COQ3: variants seen among roughly 807,000 people sequenced by gnomAD.
The protein encoded by COQ3 is ubiquinone biosynthesis O-methyltransferase, mitochondrial.
Under a neutral mutation model 33.1 loss-of-function variants are expected in COQ3, and 29 were observed. The observed-to-expected ratio is 0.88, with a 90% CI of 0.65 to 1.19. The LOEUF is 1.19. Among genes scored for constraint, COQ3 ranks in the 50% most tolerant of loss-of-function variants. The probability of loss-of-function intolerance (pLI) is 0.00; values close to 1 mark genes in which losing one functional copy is unlikely to be tolerated. For synonymous variants in COQ3, 173 were observed against 157.8 expected (o/e 1.10, Z -0.72); for missense variants, 437 against 430.7 (o/e 1.01, Z -0.13).
At chr6:99,379,819 C>T (rs1325548943) in intron 3 of COQ3, among the ~76,000 whole-genome samples, 2 of 151,510 alleles carry the variant, frequency 1.3e-5, no homozygotes. Flanking sequence ...GGTGACATTG[C>T]ACTCCCCTCT....
At chr6:99,384,850 C>T (rs1774574983) in intron 1 of COQ3, among the ~76,000 whole-genome samples, 3 of 152,156 alleles carry the variant, frequency 2.0e-5, no homozygotes, top group African/African-American at 7.2e-5. Flanking sequence ...GTGGCTCACG[C>T]TTGTAATCCC....
At chr6:99,388,962 G>A (rs979253365) in intron 1 of COQ3, among the ~76,000 whole-genome samples, 24 of 151,366 alleles carry the variant, frequency 1.6e-4, no homozygotes, top group African/African-American at 5.8e-4. Context: ...CCCACAATGA[G>A]TGCATGTACA....
intron 1 of COQ3, among the ~76,000 whole-genome samples, chr6:99,391,580 C>T (rs751328608): frequency 1.8e-4 from 20 of 111,296 alleles, no homozygotes; most frequent in Admixed American, 5.6e-4. Flanking sequence ...TGAAACTAAG[C>T]CTTAGAAATT....
In COQ3 at chr6:99,369,660, T is replaced by C; in HGVS notation, c.1050A>G (p.Thr350=). The C allele has an allele frequency of 6.2e-7, 1 of 1,614,190 alleles. No homozygotes were observed. Residue 350 remains threonine (T), a synonymous_variant, in exon 7 of 7, where the codon ACA becomes ACG. Transcript: ENST00000254759. Reference sequence around the variant, plus strand: ...TGCAGGCATTAGCTTGGAGCTCTTCTGTTTCTCCCTTTAAAACAAACTCAG... The same window carrying C: ...TGCAGGCATTAGCTTGGAGCTCTTCCGTTTCTCCCTTTAAAACAAACTCAG... ...ASAEFVLKGE[T]EELQANACTN...
At chr6:99,390,849 G>A (rs893507003) in intron 1 of COQ3, among the ~76,000 whole-genome samples, 4 of 152,028 alleles carry the variant, frequency 2.6e-5, no homozygotes, top group Non-Finnish European at 5.9e-5. Flanking sequence ...CATGGGCCCC[G>A]TGCCCAGTTA....
intron 1 of COQ3, among the ~76,000 whole-genome samples, chr6:99,384,285 AAAAT>A (rs1774554885): frequency 6.6e-6 from 1 of 152,198 alleles, no homozygotes; most frequent in Non-Finnish European, 1.5e-5. Flanking sequence ...TTTTACCTAA[AAAAT>A]AAAATAAAAT....
intron 2 of COQ3, 57 bp downstream of exon 2, chr6:99,383,641 C>T (rs1774533037): frequency 7.4e-7 from 1 of 1,348,140 alleles, no homozygotes; most frequent in Non-Finnish European, 1.0e-6. Context: ...AAAGATAATA[C>T]TAAAAACCTA....
Position 99,376,148 on chromosome 6 carries a change from A to G in COQ3, c.521T>C (p.Ile174Thr). The G allele has an allele frequency of 6.2e-7, 1 of 1,614,152 alleles. No individual in the cohort carries two copies. The highest frequency in any genetic ancestry group is 8.5e-7 in the Non-Finnish European group (1 of 1,180,040). ...TTTAATGTTCTCATCCACAGGGTCG[A>G]TTCCAATAACTGAAGCCCCAAGCCG... ...LGRLGASVIG[I>T]DPVDENIKTA... Residue 174 changes from isoleucine to threonine, a missense_variant, in exon 5 of 7, where the codon ATC becomes ACC. Coordinates refer to ENST00000254759, the MANE Select transcript of COQ3 (RefSeq NM_017421.4).
intron 1 of COQ3, among the ~76,000 whole-genome samples, chr6:99,391,168 G>A (rs1033936279): frequency 3.3e-5 from 5 of 151,048 alleles, no homozygotes; most frequent in African/African-American, 7.3e-5. Flanking sequence ...GTGGGTTCAC[G>A]GCTCACTGTA....
intron 1 of COQ3, among the ~76,000 whole-genome samples, chr6:99,389,618 T>C (rs753937311): frequency 1.8e-4 from 27 of 152,210 alleles, no homozygotes; most frequent in Admixed American, 7.9e-4. Flanking sequence ...TTTATACATA[T>C]GCAATCATTT....
At chr6:99,387,025 T>C (rs1774670503) in intron 1 of COQ3, among the ~76,000 whole-genome samples, 1 of 152,142 alleles carries the variant, frequency 6.6e-6, no homozygotes. Context: ...TCTTAGCAAA[T>C]ATTACCACAA....
At chr6:99,385,290 T>C (rs1774593395) in intron 1 of COQ3, among the ~76,000 whole-genome samples, 1 of 152,194 alleles carries the variant, frequency 6.6e-6, no homozygotes, top group Non-Finnish European at 1.5e-5. Flanking sequence ...AACAAGACCA[T>C]TATTCAATAA....
chr6:99,374,886 T>A (rs985264396), intron 5 of COQ3, among the ~76,000 whole-genome samples: 3 of 152,218 alleles, frequency 2.0e-5, no homozygotes, highest in African/African-American at 7.2e-5. Context: ...CTGAAAACTA[T>A]TACGCATTTA....
chr6:99,388,676 C>T (rs575790808), intron 1 of COQ3, among the ~76,000 whole-genome samples: 2 of 151,756 alleles, frequency 1.3e-5, no homozygotes, highest in Admixed American at 6.6e-5. Context: ...GGTGAAACTC[C>T]GTCTCTACTA....
At chr6:99,394,015 G>T in intron 1 of COQ3, 59 bp downstream of exon 1, 2 of 1,444,880 alleles carry the variant, frequency 1.4e-6, no homozygotes, top group Non-Finnish European at 1.9e-6. Flanking sequence ...CGGCGCATGC[G>T]CAGAGACGCC....
rs1168923255 is a variant in COQ3, at chr6:99,376,167, C to T, written c.502G>A (p.Gly168Arg). ...GGGTCGATTCCAATAACTGAAGCCC[C>T]AAGCCGCCCTAGAGGCTAATGGCAT... Reference protein sequence around the residue: ...GLLTEPLGRLGASVIGIDPVD... With the variant: ...GLLTEPLGRLRASVIGIDPVD... The change falls in exon 5 of 7, where the codon GGG becomes AGG. Residue 168 changes from glycine to arginine, a missense_variant. By Grantham distance (125) the Gly-to-Arg change is moderately radical. Coordinates refer to ENST00000254759, the MANE Select transcript of COQ3 (RefSeq NM_017421.4). 1.2e-6 allele frequency: 2 copies of T among 1,613,984 alleles called. No individual in the cohort carries two copies. Among genetic ancestry groups the T allele is most frequent in the Admixed American group, 1.7e-5 (1 of 60,016 alleles).
intron 1 of COQ3, among the ~76,000 whole-genome samples, chr6:99,386,758 T>C (rs1485969980): frequency 1.3e-5 from 2 of 152,160 alleles, no homozygotes; most frequent in African/African-American, 4.8e-5. Context: ...AGAGCCTGAA[T>C]AACTGATAAC....
intron 1 of COQ3, among the ~76,000 whole-genome samples, chr6:99,388,891 GCACACACACACACACACA>G (rs59478225): frequency 1.9e-5 from 2 of 106,218 alleles, no homozygotes; most frequent in South Asian, 3.3e-4. Flanking sequence ...ATGTATACAC[GCACACACACACACACACA>G]CACACACACA....
At chr6:99,394,000 AC>A in intron 1 of COQ3, 73 bp downstream of exon 1, 1 of 1,286,098 alleles carries the variant, frequency 7.8e-7, no homozygotes, top group Non-Finnish European at 1.1e-6. Flanking sequence ...CCACCGCCCC[AC>A]CCCCGGCGCA....
Sources: gnomAD v4.1 joint callset for allele counts (sites outside exome capture counted in the v4.1 genomes callset) on GRCh38, gnomAD v4.1.1 for gene constraint, MANE v1.5 for transcripts, NCBI Gene and HGNC (gene_info 2026-07-23, HGNC 2026-07-21) for gene names.